The following INF2 variants were observed in gnomAD, a reference collection of about 807,000 sequenced individuals.
The protein encoded by INF2 is inverted formin-2.
Under a neutral mutation model 123.5 loss-of-function variants are expected in INF2, and 43 were observed. The ratio of observed to expected loss-of-function variants is 0.35; its 90% CI spans 0.27 to 0.45. The LOEUF is 0.45. Ranked by LOEUF, INF2 falls within the 20% of genes least tolerant of loss-of-function variation. The pLI is 1.00. For missense variants in INF2, 1,453 were observed against 1,682.7 expected, an observed-to-expected ratio of 0.86 and a Z score of 2.39; for synonymous variants, 851 against 745.0, an observed-to-expected ratio of 1.14 and a Z score of -2.32.
rs1000319088 is a variant in INF2 at position 104,713,191 on chromosome 14, A to G, written c.2776-16A>G. On this transcript the variant is annotated splice_polypyrimidine_tract_variant and intron_variant, in intron 18 of 22. Coordinates refer to ENST00000392634, the MANE Select transcript of INF2 (RefSeq NM_022489.4). ...GATGCCACGCTGGGGTGACGGGGCC[A>G]CATCTGCCAGTGCAGGAGAACAAGG... The G allele has an allele frequency of 1.9e-5, 29 of 1,561,248 alleles. No individual in the cohort carries two copies. Among genetic ancestry groups the G allele is most frequent in the Non-Finnish European group, 2.5e-5 (29 of 1,153,796 alleles).
intron 1 of INF2, among the ~76,000 whole-genome samples, chr14:104,692,986 G>A (rs886420952): frequency 1.3e-5 from 2 of 152,238 alleles, no homozygotes; most frequent in African/African-American, 4.8e-5. Flanking sequence ...CGTGGCTGGG[G>A]CACCCTCCAT....
intron 6 of INF2, among the ~76,000 whole-genome samples, chr14:104,706,427 C>G (rs536370535): frequency 9.3e-4 from 142 of 152,286 alleles, no homozygotes; most frequent in African/African-American, 3.3e-3. Context: ...CCACAGGACC[C>G]AGAAGGACGG....
At position 104,714,527 on chromosome 14, in the gene INF2, C is replaced by G. The variant is rs1422015907; in HGVS notation, c.3365C>G (p.Pro1122Arg). 3 of 1,612,718 alleles carry G rather than the reference C, an allele frequency of 1.9e-6. No individual in the cohort carries two copies. Among genetic ancestry groups the G allele is most frequent in the Non-Finnish European group, 2.5e-6 (3 of 1,179,890 alleles). Reference sequence around the variant, plus strand: ...CTCAAGTTCTCCAGCAACCAGCCCCCTGCAGCCGGAAGTTCAAGGCAAGAT... The same window carrying G: ...CTCAAGTTCTCCAGCAACCAGCCCCGTGCAGCCGGAAGTTCAAGGCAAGAT... ...KPLKFSSNQP[P>R]AAGSSRQDAK... The change falls in exon 21 of 23, where the codon CCT becomes CGT. Residue 1122 changes from proline to arginine, a missense_variant. Transcript: ENST00000392634.
chr14:104,702,009 T>C (rs1705310504), intron 2 of INF2, among the ~76,000 whole-genome samples: 1 of 152,194 alleles, frequency 6.6e-6, no homozygotes, highest in African/African-American at 2.4e-5. Flanking sequence ...CCCCTCTCTG[T>C]TGTGTGGCTC....
chr14:104,718,748 C>G (rs1332560991), intron 22 of INF2, 47 bp from the exon 23 acceptor site: 1 of 1,035,846 alleles, frequency 9.7e-7, no homozygotes, highest in Non-Finnish European at 1.4e-6. Context: ...TGATATTGTA[C>G]CCAGCAAAAC....
intron 1 of INF2, among the ~76,000 whole-genome samples, chr14:104,695,997 C>T (rs961054005): frequency 2.6e-5 from 4 of 152,196 alleles, no homozygotes; most frequent in Non-Finnish European, 2.9e-5. Context: ...CAGTATGAAA[C>T]GACCATATTC....
intron 5 of INF2, among the ~76,000 whole-genome samples, chr14:104,705,521 C>T (rs1595168861): frequency 6.6e-6 from 1 of 152,174 alleles, no homozygotes. Context: ...GAGGGCTGTG[C>T]TCATTGACCA....
In INF2 at chr14:104,712,661, A is replaced by G. The variant is rs1464759264; in HGVS notation, c.2610+108A>G. ...GCTCCAGGGTGGATCCTGGGGCCCGAGTTTCCCCAGGTGTGCATGGTCAGG... is the reference window on the plus strand; with the variant it reads ...GCTCCAGGGTGGATCCTGGGGCCCGGGTTTCCCCAGGTGTGCATGGTCAGG... On this transcript the variant is annotated intron_variant, in intron 17 of 22. Coordinates refer to ENST00000392634, the MANE Select transcript of INF2 (RefSeq NM_022489.4). 3 of 1,552,344 alleles carry G rather than the reference A, an allele frequency of 1.9e-6. No homozygotes were observed. The East Asian group carries it at 6.8e-5, about 35-fold the overall frequency.
rs1890567917 is a variant in INF2 at position 104,721,977 on chromosome 14, GC to G, written c.*3189del. The G allele has an allele frequency of 6.6e-6, 1 of 152,302 alleles. No individual in the cohort carries two copies. Among genetic ancestry groups the G allele is most frequent in the African/African-American group, 2.4e-5 (1 of 41,448 alleles). The allele number at this position is 152,302 out of a possible 1,614,324, so 9.4% of individuals were successfully genotyped here. A position where few individuals can be genotyped will look rare whatever the true frequency, so the allele number is the denominator to read the frequency against. ...TGCGATGGTCCCACTGGGAGGTGTG[GC>G]CCCCAAAGAGTGGAACCCACAGGTG... On this transcript the variant is annotated 3_prime_UTR_variant, in exon 23 of 23. Transcript: ENST00000392634.
upstream of INF2, chr14:104,689,334 G>T: frequency 5.8e-6 from 5 of 861,206 alleles, no homozygotes; most frequent in Non-Finnish European, 7.0e-6. Flanking sequence ...GGCGGACAGT[G>T]GGGGCTGAGG....
intron 8 of INF2, 117 bp downstream of exon 8, chr14:104,708,119 G>A: frequency 1.3e-6 from 2 of 1,496,674 alleles, no homozygotes; most frequent in Non-Finnish European, 1.8e-6. Flanking sequence ...TGCGTGGCCA[G>A]GGCAGCCTGG....
At chr14:104,697,887 CG>C (rs58831678) in intron 1 of INF2, among the ~76,000 whole-genome samples, 10 of 151,812 alleles carry the variant, frequency 6.6e-5, no homozygotes, top group Non-Finnish European at 1.0e-4. Context: ...GGTGGACTGC[CG>C]GGGGGGGTGG....
At chr14:104,696,663 G>A (rs1204966561) in intron 1 of INF2, among the ~76,000 whole-genome samples, 4 of 152,140 alleles carry the variant, frequency 2.6e-5, no homozygotes, top group Admixed American at 6.5e-5. Context: ...CCAGAACCCC[G>A]GGGTGCTGCC....
chr14:104,703,780 C>A (rs531271273), intron 4 of INF2, 136 bp from the exon 5 acceptor site: 1 of 1,263,614 alleles, frequency 7.9e-7, no homozygotes, highest in Non-Finnish European at 1.1e-6. Flanking sequence ...AGCATGATGT[C>A]TCCCCTCCAG....
At chr14:104,713,650 G>C in intron 20 of INF2, 44 bp downstream of exon 20, 6 of 1,591,092 alleles carry the variant, frequency 3.8e-6, no homozygotes, top group Non-Finnish European at 5.1e-6. Flanking sequence ...CCTTGCCACT[G>C]TCCCTACCCT....
rs1889386296 is a variant in INF2, at chr14:104,699,804, G to A, written c.-9-1553G>A. ...TGCAGAAGAAGAAACTGAGGCCCAG[G>A]CAGGATGAGTGACTGGGCCAAGGTC... On this transcript the variant is annotated intron_variant, in intron 1 of 22. Coordinates refer to ENST00000392634, the MANE Select transcript of INF2 (RefSeq NM_022489.4). The surrounding 1 kb of genome is among the most constrained non-coding windows in gnomAD (Gnocchi z 4.7). 6.6e-6 allele frequency among the ~76,000 whole-genome samples: 1 copy of A among 152,190 alleles called. No homozygotes were observed. Among genetic ancestry groups the A allele is most frequent in the Admixed American group, 6.5e-5 (1 of 15,290 alleles).
chr14:104,682,971 C>T (rs534321900), intron 1 of INF2, among the ~76,000 whole-genome samples: 102 of 152,098 alleles, frequency 6.7e-4, no homozygotes, highest in Non-Finnish European at 2.6e-4. Context: ...CAGAGTAACA[C>T]GGCTATACGG....
At chr14:104,716,140 G>A (rs1345166567) in intron 22 of INF2, 3 of 356,872 alleles carry the variant, frequency 8.4e-6, no homozygotes, top group Non-Finnish European at 1.1e-5. Context: ...AGCTCTGTGA[G>A]CCCAGGTCGT....
chr14:104,685,413 C>T (rs1888630304), upstream of INF2, among the ~76,000 whole-genome samples: 1 of 152,134 alleles, frequency 6.6e-6, no homozygotes, highest in Non-Finnish European at 1.5e-5. Context: ...GCTGAAGCCC[C>T]AGCAGGCAAA....
Sources: allele counts gnomAD v4.1 joint callset (sites outside exome capture counted in the v4.1 genomes callset), GRCh38; gene constraint gnomAD v4.1.1; non-coding constraint Gnocchi (gnomAD v3.1); transcripts MANE v1.5; gene names NCBI Gene and HGNC (gene_info 2026-07-23, HGNC 2026-07-21).